The following WDR33 variants were observed in gnomAD, a reference collection of about 807,000 sequenced individuals.
WDR33 encodes the protein pre-mRNA 3' end processing protein WDR33.
A neutral mutation model predicts 164.9 loss-of-function variants in WDR33; 47 were observed. That is an observed-to-expected ratio of 0.29 (90% CI 0.23 to 0.36). WDR33 has a LOEUF of 0.36. Ranked by LOEUF, WDR33 falls within the 10% of genes least tolerant of loss-of-function variation. The pLI is 1.00. For missense variants in WDR33, 1,137 were observed against 1,754.1 expected (o/e 0.65, Z 6.28); for synonymous variants, 505 against 589.0 (o/e 0.86, Z 2.06).
rs578062548 is a variant in WDR33, at chr2:127,782,516, T to C, written c.-23-11512A>G. Among the ~76,000 whole-genome samples, 4 of 152,268 alleles carry C rather than the reference T, an allele frequency of 2.6e-5. No individual in the cohort carries two copies. The East Asian group carries it at 7.7e-4, about 29-fold the overall frequency. On this transcript the variant is annotated intron_variant, in intron 1 of 21. Transcript: ENST00000322313. ...ACGGCCTTAGTTGCATAATTTTTCA[T>C]AACTTGGGGGAAGCAGCTTCCACTC...
intron 7 of WDR33, among the ~76,000 whole-genome samples, chr2:127,753,942 A>G (rs1002388231): frequency 6.6e-6 from 1 of 152,240 alleles, no homozygotes; most frequent in African/African-American, 2.4e-5. Flanking sequence ...AAGGTGGGAA[A>G]GGGGCATGAA....
At chr2:127,737,534 A>G (rs1316690126) in intron 7 of WDR33, 1 of 986,312 alleles carries the variant, frequency 1.0e-6, no homozygotes, top group African/African-American at 1.7e-5. Flanking sequence ...GACATTCAAA[A>G]GATTGATGGG....
At position 127,719,492 on chromosome 2, in the gene WDR33, T is replaced by C. The variant is rs576541380; in HGVS notation, c.2533A>G (p.Met845Val). ...CGCAATTCCTGGGGAGGTCCCAGCA[T>C]TGATCCTTGGGGTGGAGGCCCCTGC... ...GMQGPPPQGS[M>V]LGPPQELRGP... The change falls in exon 16 of 22, where the codon ATG becomes GTG. Residue 845 changes from methionine to valine, a missense_variant. Physicochemically the swap from Met to Val is conservative, Grantham distance 21. Transcript: ENST00000322313. This position sits in a 1 kb window ranked among gnomAD's most constrained non-coding sequence, Gnocchi z 6.5. The C allele has an allele frequency of 5.6e-6, 9 of 1,609,936 alleles. No individual in the cohort carries two copies. The African/African-American group carries it at 6.7e-5, about 12-fold the overall frequency.
In WDR33 at chr2:127,722,464, A is replaced by G. The variant is rs867920121; in HGVS notation, c.1518+127T>C. On this transcript the variant is annotated intron_variant, in intron 14 of 21. Coordinates refer to ENST00000322313, the MANE Select transcript of WDR33 (RefSeq NM_018383.5). This position sits in a 1 kb window ranked among gnomAD's most constrained non-coding sequence, Gnocchi z 5.1. ...GCAGTAGATGAGAACCATGTCTAAGAGTACGTGAACATGGGAAAAATGCTC... is the reference window on the plus strand; with the variant it reads ...GCAGTAGATGAGAACCATGTCTAAGGGTACGTGAACATGGGAAAAATGCTC... 18 of 1,284,680 alleles carry G rather than the reference A, an allele frequency of 1.4e-5. No individual in the cohort carries two copies. The Middle Eastern group carries it at 2.5e-3, about 178-fold the overall frequency. 79.6% of individuals were successfully genotyped at this position (1,284,680 alleles called of 1,614,324 possible). A position where few individuals can be genotyped will look rare whatever the true frequency, so the allele number is the denominator to read the frequency against.
At chr2:127,753,365 T>C (rs576307026) in intron 7 of WDR33, among the ~76,000 whole-genome samples, 82 of 152,356 alleles carry the variant, frequency 5.4e-4, no homozygotes, top group Middle Eastern at 3.4e-3. Context: ...TAAAAGCCTA[T>C]ATATACTACT....
chr2:127,774,069 T>TA (rs1461892580), intron 1 of WDR33, among the ~76,000 whole-genome samples: 2 of 141,756 alleles, frequency 1.4e-5, no homozygotes, highest in African/African-American at 2.7e-5. Flanking sequence ...TTTTTTTTTT[T>TA]AAGACAGAGT....
chr2:127,801,805 A>G (rs995183585), intron 1 of WDR33, among the ~76,000 whole-genome samples: 63 of 152,220 alleles, frequency 4.1e-4, no homozygotes, highest in Middle Eastern at 3.4e-3. Flanking sequence ...AATTGTTTGA[A>G]CCCAGGAGAC....
At position 127,705,426 on chromosome 2, in the gene WDR33, A is replaced by ATT. The variant is rs1468946792; in HGVS notation, c.*895_*896dup. 1 of 150,570 alleles carries ATT rather than the reference A, an allele frequency of 6.6e-6. No homozygotes were observed. Among genetic ancestry groups the ATT allele is most frequent in the Non-Finnish European group, 1.5e-5 (1 of 67,400 alleles). 9.3% of individuals were successfully genotyped at this position (150,570 alleles called of 1,614,324 possible). A position where few individuals can be genotyped will look rare whatever the true frequency, so the allele number is the denominator to read the frequency against. On this transcript the variant is annotated 3_prime_UTR_variant, in exon 22 of 22. Transcript: ENST00000322313. The surrounding 1 kb of genome is among the most constrained non-coding windows in gnomAD (Gnocchi z 4.5). ...TGGAAGAGGAAGAGAGGAAAACTTA[A>ATT]TTAAGTGTTGCAAAATTGTTTGAGG...
intron 1 of WDR33, among the ~76,000 whole-genome samples, chr2:127,808,500 G>A (rs1366499313): frequency 6.6e-6 from 1 of 152,232 alleles, no homozygotes; most frequent in Non-Finnish European, 1.5e-5. Context: ...GGGCCAGACA[G>A]ATGAGAGTAG....
Position 127,719,959 on chromosome 2 carries a change from G to C in WDR33, c.2066C>G (p.Pro689Arg). 6.2e-7 allele frequency: 1 copy of C among 1,613,972 alleles called. No homozygotes were observed. The highest frequency in any genetic ancestry group is 8.5e-7 in the Non-Finnish European group (1 of 1,179,994). The change falls in exon 16 of 22, where the codon CCT becomes CGT. Residue 689 changes from proline to arginine, a missense_variant. Pro to Arg is a moderately radical substitution (Grantham distance 103). Around this residue, in one of 9 missense-constraint regions of WDR33, gnomAD observed 867 missense variants for 1,073.0 expected, o/e 0.81. Coordinates refer to ENST00000322313, the MANE Select transcript of WDR33 (RefSeq NM_018383.5). This position sits in a 1 kb window ranked among gnomAD's most constrained non-coding sequence, Gnocchi z 6.5. Reference sequence around the variant, plus strand: ...ACCTTGTGGTCCAGGTGGCCCTTGAGGTCCCAAAGGGCCATGAGGTCCAGG... The same window carrying C: ...ACCTTGTGGTCCAGGTGGCCCTTGACGTCCCAAAGGGCCATGAGGTCCAGG... The part of the protein sequence containing the change: ...RHPGPHGPLG[P>R]QGPPGPQGSS...
rs376331255 is a variant in WDR33 at position 127,780,747 on chromosome 2, G to A, written c.-23-9743C>T. On this transcript the variant is annotated intron_variant, in intron 1 of 21. Coordinates refer to ENST00000322313, the MANE Select transcript of WDR33 (RefSeq NM_018383.5). Reference sequence around the variant, plus strand: ...GTCTACTCAAAAGGCTGAAGCAGGAGGATCCCTTGAGCCCAGGAGTTTGAG... The same window carrying A: ...GTCTACTCAAAAGGCTGAAGCAGGAAGATCCCTTGAGCCCAGGAGTTTGAG... 5.6e-4 allele frequency among the ~76,000 whole-genome samples: 86 copies of A among 152,262 alleles called. 4 individuals carry two copies. The South Asian group carries it at 0.018, about 31-fold the overall frequency.
In WDR33 at chr2:127,714,371, G is replaced by C. The variant is rs565073572; in HGVS notation, c.2870-350C>G. ...CCCTATTCTTTCAGGCATTTCATTA[G>C]GGCCACCTGCTCCACATCCAAGGAG... On this transcript the variant is annotated intron_variant, in intron 17 of 21. Coordinates refer to ENST00000322313, the MANE Select transcript of WDR33 (RefSeq NM_018383.5). This position sits in a 1 kb window ranked among gnomAD's most constrained non-coding sequence, Gnocchi z 4.3. Among the ~76,000 whole-genome samples, 12 of 152,258 alleles carry C rather than the reference G, an allele frequency of 7.9e-5. No individual in the cohort carries two copies. The highest frequency in any genetic ancestry group is 7.8e-4 in the Admixed American group (12 of 15,300).
At chr2:127,737,323 T>C (rs1426067602) in intron 7 of WDR33, 1 of 985,274 alleles carries the variant, frequency 1.0e-6, no homozygotes, top group African/African-American at 1.7e-5. Flanking sequence ...AGCAGCAAAG[T>C]CCGCTGTAAG....
intron 1 of WDR33, among the ~76,000 whole-genome samples, chr2:127,807,811 G>C (rs1689492316): frequency 6.6e-6 from 1 of 152,126 alleles, no homozygotes; most frequent in African/African-American, 2.4e-5. Flanking sequence ...CGTCTTCAAC[G>C]TGCTCACAAA....
Position 127,724,941 on chromosome 2 carries a change from T to G in WDR33, c.1031A>C (p.Glu344Ala). The G allele has an allele frequency of 6.2e-7, 1 of 1,614,164 alleles. No individual in the cohort carries two copies. Among genetic ancestry groups the G allele is most frequent in the Non-Finnish European group, 8.5e-7 (1 of 1,180,024 alleles). ...AGACCCTCCACTGGCAAAAAGTCCT[T>G]CATGAACAGGATGCCAGGCCACAGC... Reference protein sequence around the residue: ...ATAVAWHPVHEGLFASGGSDG... With the variant: ...ATAVAWHPVHAGLFASGGSDG... Residue 344 changes from glutamate to alanine, a missense_variant, in exon 10 of 22, where the codon GAA becomes GCA. Glu to Ala is a moderately radical substitution (Grantham distance 107, BLOSUM62 -1). Around this residue, in one of 9 missense-constraint regions of WDR33, gnomAD observed 83 missense variants for 189.2 expected, o/e 0.44. Coordinates refer to ENST00000322313, the MANE Select transcript of WDR33 (RefSeq NM_018383.5). This position sits in a 1 kb window ranked among gnomAD's most constrained non-coding sequence, Gnocchi z 4.8.
chr2:127,803,825 T>A (rs1335760499), intron 1 of WDR33, among the ~76,000 whole-genome samples: 1 of 151,304 alleles, frequency 6.6e-6, no homozygotes, highest in Non-Finnish European at 1.5e-5. Flanking sequence ...TTAACTGGGG[T>A]TAGTGCCAGG....
At position 127,723,894 on chromosome 2, in the gene WDR33, T is replaced by C. The variant is rs1686501085; in HGVS notation, c.1196+439A>G. On this transcript the variant is annotated intron_variant, in intron 11 of 21. Transcript: ENST00000322313. This position sits in a 1 kb window ranked among gnomAD's most constrained non-coding sequence, Gnocchi z 5.9. Reference sequence around the variant, plus strand: ...GAGTTTGACATCAGCCTGGGCAACATGGTGAAACCCCATCTCTACAAAAAA... The same window carrying C: ...GAGTTTGACATCAGCCTGGGCAACACGGTGAAACCCCATCTCTACAAAAAA... 6.6e-6 allele frequency among the ~76,000 whole-genome samples: 1 copy of C among 152,148 alleles called. No individual in the cohort carries two copies. The highest frequency in any genetic ancestry group is 6.5e-5 in the Admixed American group (1 of 15,288).
chr2:127,789,560 G>C (rs1447868141), intron 1 of WDR33, among the ~76,000 whole-genome samples: 4 of 149,184 alleles, frequency 2.7e-5, no homozygotes, highest in Non-Finnish European at 4.5e-5. Context: ...GCGTGGCGGC[G>C]CGTGCCTGCA....
At chr2:127,775,100 G>A (rs1688144494) in intron 1 of WDR33, among the ~76,000 whole-genome samples, 1 of 152,016 alleles carries the variant, frequency 6.6e-6, no homozygotes, top group Non-Finnish European at 1.5e-5. Flanking sequence ...AAATCCCACT[G>A]AATTATACAC....
Sources: gnomAD v4.1 joint callset for allele counts (sites outside exome capture counted in the v4.1 genomes callset) on GRCh38, gnomAD v4.1.1 for gene constraint, gnomAD v4.1.1 regional missense constraint, Gnocchi (gnomAD v3.1) non-coding constraint, MANE v1.5 for transcripts, NCBI Gene and HGNC (gene_info 2026-07-23, HGNC 2026-07-21) for gene names.